Variants in RASEF observed in about 807,000 individuals in gnomAD.
RASEF encodes ras and EF-hand domain-containing protein.
In RASEF, 68 loss-of-function variants were observed where a neutral mutation model predicts 90.1. That is an observed-to-expected ratio of 0.75 (90% confidence interval 0.62 to 0.92). The LOEUF (loss-of-function observed/expected upper bound fraction) is 0.92, where lower values mean the gene tolerates loss of function less well. RASEF is among the 40% of genes least tolerant of loss of function. The probability of loss-of-function intolerance (pLI) is 0.00; values close to 1 mark genes in which losing one functional copy is unlikely to be tolerated. For missense variants in RASEF, 949 were observed against 937.2 expected (o/e 1.01, Z -0.16); for synonymous variants, 331 against 345.2 (o/e 0.96, Z 0.46).
At chr9:83,120,821 T>C in the RASEF span, among the ~76,000 whole-genome samples, 1 of 152,322 alleles carries the variant, frequency 6.6e-6, no homozygotes, top group South Asian at 2.1e-4. Flanking sequence ...AGGAAGGTGA[T>C]ACAGCATTAA....
intron 4 of RASEF, among the ~76,000 whole-genome samples, chr9:83,013,637 A>G (rs1424477901): frequency 1.3e-5 from 2 of 152,218 alleles, no homozygotes; most frequent in Admixed American, 1.3e-4. Context: ...AGTCTGGAAT[A>G]AGTGAGAAAG....
At chr9:83,162,626 G>T in the RASEF span, among the ~76,000 whole-genome samples, 1 of 152,192 alleles carries the variant, frequency 6.6e-6, no homozygotes, top group Non-Finnish European at 1.5e-5. Flanking sequence ...CTGAAAGACT[G>T]AAAAACCAAC....
the RASEF span, among the ~76,000 whole-genome samples, chr9:83,089,313 G>C: frequency 2.0e-5 from 3 of 151,906 alleles, no homozygotes; most frequent in Non-Finnish European, 4.4e-5. Context: ...AAATAAAAAT[G>C]AGCTATAAAC....
In RASEF at chr9:83,062,419, C is replaced by T. The variant is rs1244328963; in HGVS notation, c.431+18G>A. ...GGAAGCGCCAGAATAACCTCCCGCC[C>T]CCAGCTCACACTCGCACCTGGGAAT... On this transcript the variant is annotated intron_variant, in intron 1 of 16. Coordinates refer to ENST00000376447, the MANE Select transcript of RASEF (RefSeq NM_152573.4). The T allele has an allele frequency of 1.5e-5, 24 of 1,611,618 alleles. No homozygotes were observed. Among genetic ancestry groups the T allele is most frequent in the Non-Finnish European group, 1.8e-5 (21 of 1,178,966 alleles).
chr9:83,114,003 C>T, the RASEF span, among the ~76,000 whole-genome samples: 7 of 152,128 alleles, frequency 4.6e-5, no homozygotes, highest in Non-Finnish European at 8.8e-5. Context: ...CCTACCAATA[C>T]ATGACATCAC....
At chr9:83,150,405 C>G in the RASEF span, among the ~76,000 whole-genome samples, 133 of 152,132 alleles carry the variant, frequency 8.7e-4, no homozygotes, top group African/African-American at 3.2e-3. Flanking sequence ...TATGGGCCCA[C>G]GAAGACTCAT....
the RASEF span, among the ~76,000 whole-genome samples, chr9:83,145,904 T>C: frequency 6.6e-4 from 100 of 152,224 alleles, 1 homozygote; most frequent in East Asian, 0.016. Flanking sequence ...ATCAAACAAG[T>C]AACTCAGAAG....
chr9:82,990,653 G>A (rs918665764), intron 15 of RASEF, among the ~76,000 whole-genome samples, 186 bp from the exon 16 acceptor site: 3 of 152,118 alleles, frequency 2.0e-5, no homozygotes, highest in African/African-American at 7.2e-5. Context: ...GTTACTCCAG[G>A]AAAAGTTCCT....
At chr9:82,995,532 C>T (rs769664380) in intron 14 of RASEF, among the ~76,000 whole-genome samples, 1 of 152,064 alleles carries the variant, frequency 6.6e-6, no homozygotes, top group Non-Finnish European at 1.5e-5. Context: ...TCAGCCTCGA[C>T]CTCCTAGGGC....
the RASEF span, among the ~76,000 whole-genome samples, chr9:83,121,357 G>T: frequency 1.3e-5 from 2 of 151,928 alleles, no homozygotes; most frequent in Admixed American, 1.3e-4. Flanking sequence ...AATATGAAAG[G>T]TTTTAGGTAT....
rs1829201814 is a variant in RASEF at position 83,009,629 on chromosome 9, C to A, written c.959+12G>T. 1 of 1,495,952 alleles carries A rather than the reference C, an allele frequency of 6.7e-7. No homozygotes were observed. Among genetic ancestry groups the A allele is most frequent in the Admixed American group, 1.7e-5 (1 of 59,214 alleles). 92.7% of individuals were successfully genotyped at this position (1,495,952 alleles called of 1,614,324 possible). A position where few individuals can be genotyped will look rare whatever the true frequency, so the allele number is the denominator to read the frequency against. ...TCTACTCAAACTAACAAATAAAATG[C>A]AAAGTTCATACCTTTCAGTATTCAG... On this transcript the variant is annotated intron_variant, in intron 6 of 16. Coordinates refer to ENST00000376447, the MANE Select transcript of RASEF (RefSeq NM_152573.4).
the RASEF span, among the ~76,000 whole-genome samples, chr9:83,070,620 T>C: frequency 2.6e-5 from 4 of 152,294 alleles, no homozygotes; most frequent in Admixed American, 2.6e-4. Context: ...TTCCTGGTCC[T>C]AGGTATTACC....
the RASEF span, among the ~76,000 whole-genome samples, chr9:83,175,385 T>C: frequency 1.3e-5 from 2 of 152,360 alleles, no homozygotes; most frequent in South Asian, 4.1e-4. Context: ...GTCTTTATTC[T>C]ATTGATACAG....
At chr9:83,175,369 C>G in the RASEF span, among the ~76,000 whole-genome samples, 2 of 152,030 alleles carry the variant, frequency 1.3e-5, no homozygotes. Flanking sequence ...TGATCATTTG[C>G]CTTTTGTCTT....
the RASEF span, among the ~76,000 whole-genome samples, chr9:83,111,006 A>G: frequency 6.6e-6 from 1 of 152,240 alleles, no homozygotes; most frequent in African/African-American, 2.4e-5. Context: ...GCAGATTCAG[A>G]TGCATAAAGC....
chr9:83,158,653 T>C, the RASEF span, among the ~76,000 whole-genome samples: 3 of 9,800 alleles, frequency 3.1e-4, no homozygotes, highest in Non-Finnish European at 5.8e-4. Context: ...TATGTCCAAA[T>C]ATATACATAT....
the RASEF span, among the ~76,000 whole-genome samples, chr9:83,150,055 C>T: frequency 6.6e-6 from 1 of 152,186 alleles, no homozygotes; most frequent in Non-Finnish European, 1.5e-5. Flanking sequence ...GGGGAGTTCC[C>T]ACATCCCTTC....
At chr9:83,085,698 G>T in the RASEF span, among the ~76,000 whole-genome samples, 6 of 152,238 alleles carry the variant, frequency 3.9e-5, no homozygotes, top group East Asian at 9.7e-4. Flanking sequence ...GGCCGAGGCG[G>T]TGAATCACCT....
the RASEF span, among the ~76,000 whole-genome samples, chr9:83,209,553 G>A: frequency 2.8e-4 from 42 of 152,344 alleles, no homozygotes; most frequent in African/African-American, 7.7e-4. Flanking sequence ...GGGGTGGAGC[G>A]AGTCACAGTT....
Sources: allele counts gnomAD v4.1 joint callset (sites outside exome capture counted in the v4.1 genomes callset), GRCh38; gene constraint gnomAD v4.1.1; transcripts MANE v1.5; gene names NCBI Gene and HGNC (gene_info 2026-07-23, HGNC 2026-07-21).